The following EXOC4 variants were observed in gnomAD, a reference collection of about 807,000 sequenced individuals.
EXOC4 encodes the protein exocyst complex component 4.
Under a neutral mutation model 107.2 loss-of-function variants are expected in EXOC4, and 71 were observed. The observed-to-expected ratio is 0.66, with a 90% CI of 0.55 to 0.81. The LOEUF is 0.81. Ranked by LOEUF, EXOC4 falls within the 30% of genes least tolerant of loss-of-function variation. EXOC4 has a pLI of 0.00. For synonymous variants in EXOC4, 456 were observed against 441.2 expected, an observed-to-expected ratio of 1.03 and a Z score of -0.42; for missense variants, 1,108 against 1,189.6, an observed-to-expected ratio of 0.93 and a Z score of 1.01.
At chr7:133,577,295 A>G (rs1041076487) in intron 9 of EXOC4, among the ~76,000 whole-genome samples, 3 of 152,154 alleles carry the variant, frequency 2.0e-5, no homozygotes, top group African/African-American at 7.2e-5. Flanking sequence ...TGTAAGTAAT[A>G]TTTAGTAATA....
chr7:133,359,475 C>T (rs1363236830), intron 6 of EXOC4, among the ~76,000 whole-genome samples: 3 of 152,024 alleles, frequency 2.0e-5, no homozygotes, highest in Non-Finnish European at 2.9e-5. Context: ...AATTTTATGG[C>T]TAAAGATATA....
chr7:133,933,425 A>T (rs1460878806), intron 13 of EXOC4, among the ~76,000 whole-genome samples: 1 of 152,064 alleles, frequency 6.6e-6, no homozygotes, highest in Non-Finnish European at 1.5e-5. Flanking sequence ...TTGAGTTCTG[A>T]TTTCTGCTCC....
intron 7 of EXOC4, among the ~76,000 whole-genome samples, chr7:133,460,692 C>CA (rs1400973626): frequency 6.6e-6 from 1 of 152,122 alleles, no homozygotes; most frequent in African/African-American, 2.4e-5. Context: ...CACACACACC[C>CA]ACCCACACAC....
intron 10 of EXOC4, among the ~76,000 whole-genome samples, chr7:133,682,836 G>A (rs544060559): frequency 1.9e-4 from 29 of 152,244 alleles, no homozygotes; most frequent in African/African-American, 6.5e-4. Context: ...GCACCTGCTC[G>A]GTCCCAGAGC....
At chr7:133,557,242 C>G (rs1039516567) in intron 9 of EXOC4, among the ~76,000 whole-genome samples, 2 of 152,148 alleles carry the variant, frequency 1.3e-5, no homozygotes, top group Non-Finnish European at 2.9e-5. Flanking sequence ...TCCTCCCTCC[C>G]CCACAACCCC....
rs186594454 is a variant in EXOC4, at chr7:134,028,626, A to G, written c.2687+20791A>G. Among the ~76,000 whole-genome samples the G allele has an allele frequency of 5.5e-4, 83 of 152,268 alleles. No homozygotes were observed. In the Middle Eastern group the frequency reaches 0.017, roughly 31 times the overall value. On this transcript the variant is annotated intron_variant, in intron 17 of 17. Transcript: ENST00000253861. The stretch of plus-strand genomic sequence containing the variant: ...AGCAATGGGCATGGTGCCATTGCCA[A>G]TGCTTGGAAGATGAGTGTCTTCACC...
At chr7:133,606,520 T>A (rs10612633) in intron 9 of EXOC4, among the ~76,000 whole-genome samples, 57,548 of 130,986 alleles carry the variant, frequency 0.44, 12,132 homozygotes, top group Middle Eastern at 0.56. Flanking sequence ...TATTATTATT[T>A]TTTTTTTTTT....
intron 14 of EXOC4, among the ~76,000 whole-genome samples, chr7:133,977,262 G>C (rs1043201204): frequency 1.3e-5 from 2 of 152,176 alleles, no homozygotes; most frequent in Non-Finnish European, 2.9e-5. Flanking sequence ...TTTCTAAAAA[G>C]TTAAAAAGTA....
chr7:133,816,595 A>G (rs1797374520), intron 10 of EXOC4, among the ~76,000 whole-genome samples: 1 of 152,136 alleles, frequency 6.6e-6, no homozygotes, highest in Admixed American at 6.5e-5. Context: ...ATTTATATAT[A>G]TACATGTAAA....
chr7:134,025,871 G>T (rs540630494), intron 17 of EXOC4, among the ~76,000 whole-genome samples: 44 of 152,306 alleles, frequency 2.9e-4, no homozygotes, highest in South Asian at 2.3e-3. Flanking sequence ...CACAGGGCTA[G>T]CCCAGATTTA....
the EXOC4 span, among the ~76,000 whole-genome samples, chr7:134,092,639 C>G: frequency 5.2e-3 from 792 of 152,216 alleles, 7 homozygotes; most frequent in African/African-American, 0.018. Context: ...GAAATAAAAT[C>G]TTTTCCAGAC....
At chr7:133,930,543 C>G (rs950671737) in intron 13 of EXOC4, 1 of 152,046 alleles carries the variant, frequency 6.6e-6, no homozygotes, top group Non-Finnish European at 1.5e-5. Context: ...TTTTCATTGT[C>G]TTTACCCACT....
At chr7:133,432,007 A>G (rs1797866607) in intron 7 of EXOC4, among the ~76,000 whole-genome samples, 1 of 152,158 alleles carries the variant, frequency 6.6e-6, no homozygotes, top group Non-Finnish European at 1.5e-5. Flanking sequence ...GATACCTGGT[A>G]TTTAAAATAA....
chr7:133,430,517 G>C (rs1381096010), intron 7 of EXOC4, among the ~76,000 whole-genome samples: 1 of 152,088 alleles, frequency 6.6e-6, no homozygotes, highest in African/African-American at 2.4e-5. Flanking sequence ...CCATTCATCA[G>C]TTGGTGGACA....
At chr7:133,902,939 G>C (rs1299001296) in intron 12 of EXOC4, among the ~76,000 whole-genome samples, 2 of 152,220 alleles carry the variant, frequency 1.3e-5, no homozygotes, top group Non-Finnish European at 2.9e-5. Context: ...ATAGACTCAG[G>C]AGTGTGAGAG....
chr7:133,868,241 G>A (rs1798682397), intron 11 of EXOC4, among the ~76,000 whole-genome samples: 1 of 152,126 alleles, frequency 6.6e-6, no homozygotes, highest in African/African-American at 2.4e-5. Context: ...ATGTCAGTAT[G>A]TTTAGGTCTT....
chr7:133,663,174 T>G (rs901143881), intron 10 of EXOC4, among the ~76,000 whole-genome samples: 3 of 152,170 alleles, frequency 2.0e-5, no homozygotes, highest in Non-Finnish European at 2.9e-5. Flanking sequence ...CACTGGTATA[T>G]CCTCTTTGAA....
Position 133,702,009 on chromosome 7 carries a change from T to C in EXOC4, c.1514+71868T>C, listed in dbSNP as rs1438712405. 1.3e-4 allele frequency among the ~76,000 whole-genome samples: 18 copies of C among 142,292 alleles called. No individual in the cohort carries two copies. The East Asian group carries it at 2.9e-3, about 23-fold the overall frequency. The allele number at this position is 142,292 out of a possible 152,430, so 93.3% of individuals were successfully genotyped here. A position where few individuals can be genotyped will look rare whatever the true frequency, so the allele number is the denominator to read the frequency against. ...TCTTTCTTTCTTTCTTTTTTTTTTT[T>C]TTTTTTTTTGAGACAGTATCTCCCT... On this transcript the variant is annotated intron_variant, in intron 10 of 17. Coordinates refer to ENST00000253861, the MANE Select transcript of EXOC4 (RefSeq NM_021807.4).
chr7:133,494,896 A>T (rs1799442368), intron 9 of EXOC4, among the ~76,000 whole-genome samples: 1 of 152,122 alleles, frequency 6.6e-6, no homozygotes, highest in Non-Finnish European at 1.5e-5. Context: ...CTGTTTAGTT[A>T]TTAGCCATAT....
Sources: allele counts gnomAD v4.1 joint callset (sites outside exome capture counted in the v4.1 genomes callset), GRCh38; gene constraint gnomAD v4.1.1; transcripts MANE v1.5; gene names NCBI Gene and HGNC (gene_info 2026-07-23, HGNC 2026-07-21).